REEP1: variants seen among roughly 807,000 people sequenced by gnomAD.
The protein encoded by REEP1 is receptor expression-enhancing protein 1.
A neutral mutation model predicts 40.3 loss-of-function variants in REEP1; 22 were observed. The observed-to-expected ratio is 0.55, with a 90% confidence interval of 0.39 to 0.78. The LOEUF (loss-of-function observed/expected upper bound fraction) is 0.78, where lower values mean the gene tolerates loss of function less well. REEP1 is among the 30% of genes least tolerant of loss of function. REEP1 has a pLI of 0.00. For synonymous variants in REEP1, 116 were observed against 139.2 expected (o/e 0.83, Z 1.17); for missense variants, 280 against 361.1 (o/e 0.78, Z 1.82).
intron 3 of REEP1, among the ~76,000 whole-genome samples, chr2:86,261,827 C>G (rs4832268): frequency 6.6e-6 from 1 of 152,048 alleles, no homozygotes; most frequent in South Asian, 2.1e-4. Context: ...TGGAATGTCT[C>G]GGTATAAAAC....
At chr2:86,286,663 G>A (rs72940152) in intron 1 of REEP1, among the ~76,000 whole-genome samples, 16,179 of 152,156 alleles carry the variant, frequency 0.11, 1,681 homozygotes, top group African/African-American at 0.27. Flanking sequence ...CAATGTCAGC[G>A]AAAACACAGC....
chr2:86,260,499 C>G (rs775610245), intron 3 of REEP1, among the ~76,000 whole-genome samples: 1 of 152,164 alleles, frequency 6.6e-6, no homozygotes, highest in Non-Finnish European at 1.5e-5. Context: ...ACTGATCAGA[C>G]GACTTTAAGA....
intron 1 of REEP1, among the ~76,000 whole-genome samples, chr2:86,310,975 G>C (rs1679736630): frequency 6.6e-6 from 1 of 152,132 alleles, no homozygotes; most frequent in South Asian, 2.1e-4. Context: ...GCTTTGAGGT[G>C]GCAGAACAAA....
chr2:86,262,872 T>C (rs1429237177), intron 3 of REEP1, among the ~76,000 whole-genome samples: 2 of 152,226 alleles, frequency 1.3e-5, no homozygotes, highest in Non-Finnish European at 2.9e-5. Context: ...CAGAAATCGA[T>C]ATATTATTTA....
chr2:86,313,307 T>C (rs1159791528), intron 1 of REEP1, among the ~76,000 whole-genome samples: 2 of 151,144 alleles, frequency 1.3e-5, no homozygotes, highest in Non-Finnish European at 3.0e-5. Context: ...TTTCTTTTTT[T>C]TTTTTTTGGT....
At chr2:86,286,476 G>A (rs1678406277) in intron 1 of REEP1, among the ~76,000 whole-genome samples, 2 of 152,112 alleles carry the variant, frequency 1.3e-5, no homozygotes, top group South Asian at 4.1e-4. Context: ...GCTGTTTCCT[G>A]GTCTTTGGGC....
chr2:86,307,963 T>A (rs1318600334), intron 1 of REEP1, among the ~76,000 whole-genome samples: 3 of 152,198 alleles, frequency 2.0e-5, no homozygotes, highest in African/African-American at 7.2e-5. Context: ...CCTTTCCATA[T>A]AAATATTTTC....
In REEP1 at chr2:86,337,540, C is replaced by A; in HGVS notation, c.-30G>T. On this transcript the variant is annotated 5_prime_UTR_variant, in exon 1 of 9. Transcript: ENST00000538924. This position sits in a 1 kb window ranked among gnomAD's most constrained non-coding sequence, Gnocchi z 5.8. ...GGCAGGCGGGCGGGCGAGGCCCGGG[C>A]GGCGCGGCTCGGCTAGGCTGCGGGC... The A allele has an allele frequency of 8.1e-7, 1 of 1,234,740 alleles. No individual in the cohort carries two copies. The highest frequency in any genetic ancestry group is 3.3e-5 in the South Asian group (1 of 30,398). The allele number at this position is 1,234,740 out of a possible 1,614,324, so 76.5% of individuals were successfully genotyped here. A position where few individuals can be genotyped will look rare whatever the true frequency, so the allele number is the denominator to read the frequency against.
intron 1 of REEP1, among the ~76,000 whole-genome samples, chr2:86,301,391 T>A (rs1353977206): frequency 1.3e-5 from 2 of 152,234 alleles, no homozygotes; most frequent in African/African-American, 4.8e-5. Flanking sequence ...CAGTCAGACA[T>A]AGATTCTCAT....
intron 1 of REEP1, among the ~76,000 whole-genome samples, chr2:86,310,819 G>C (rs1679728441): frequency 6.6e-6 from 1 of 152,032 alleles, no homozygotes; most frequent in African/African-American, 2.4e-5. Context: ...GCCTTCAAAG[G>C]ACTATGATAT....
At chr2:86,337,911 C>T (rs1558945457), upstream of REEP1, 2 of 1,078,928 alleles carry the variant, frequency 1.9e-6, no homozygotes, top group East Asian at 2.6e-5. The surrounding 1 kb of genome is among the most constrained non-coding windows in gnomAD (Gnocchi z 5.8). Context: ...CCTCAGCGTT[C>T]CAGCGGAGAA....
Position 86,263,951 on chromosome 2 carries a change from C to T in REEP1, c.182+14G>A. 6.2e-7 allele frequency: 1 copy of T among 1,602,822 alleles called. No individual in the cohort carries two copies. Among genetic ancestry groups the T allele is most frequent in the Non-Finnish European group, 8.5e-7 (1 of 1,169,694 alleles). ...AATTGTCCTTAGAAACATCCCAACTCCTGGAGTACTTACCAACAAAGGAAG... is the reference window on the plus strand; with the variant it reads ...AATTGTCCTTAGAAACATCCCAACTTCTGGAGTACTTACCAACAAAGGAAG... On this transcript the variant is annotated intron_variant, in intron 3 of 8. Coordinates refer to ENST00000538924, the MANE Select transcript of REEP1 (RefSeq NM_001371279.1).
At chr2:86,231,768 T>A (rs2104043512) in intron 6 of REEP1, among the ~76,000 whole-genome samples, 1 of 151,794 alleles carries the variant, frequency 6.6e-6, no homozygotes, top group Admixed American at 6.6e-5. Context: ...GCCCCTGGCA[T>A]CCTCCCAAGG....
At chr2:86,280,209 A>G (rs571326449) in intron 2 of REEP1, 3 of 359,282 alleles carry the variant, frequency 8.3e-6, no homozygotes, top group Admixed American at 3.8e-5. Context: ...CCCTCCTGAT[A>G]CTACTCGGCT....
intron 2 of REEP1, among the ~76,000 whole-genome samples, chr2:86,273,937 A>T (rs1255719721): frequency 6.6e-6 from 1 of 152,232 alleles, no homozygotes; most frequent in Non-Finnish European, 1.5e-5. Context: ...ACCCAAAACA[A>T]TTCCTGACAT....
intron 8 of REEP1, among the ~76,000 whole-genome samples, chr2:86,218,269 C>G (rs1674234998): frequency 6.6e-6 from 1 of 152,138 alleles, no homozygotes; most frequent in Non-Finnish European, 1.5e-5. Context: ...GACTTTGCAC[C>G]CAGTGGGAAG....
intron 2 of REEP1, among the ~76,000 whole-genome samples, chr2:86,274,886 G>C (rs1007731887): frequency 3.3e-5 from 5 of 152,090 alleles, no homozygotes; most frequent in Admixed American, 3.3e-4. Flanking sequence ...GGTAGGAAGC[G>C]GCCTGGAGAC....
intron 1 of REEP1, among the ~76,000 whole-genome samples, chr2:86,285,540 A>G (rs1678340734): frequency 1.3e-5 from 2 of 152,220 alleles, no homozygotes; most frequent in African/African-American, 4.8e-5. Context: ...CCCATTTTAC[A>G]GACTGGGACA....
intron 2 of REEP1, among the ~76,000 whole-genome samples, chr2:86,267,361 C>G (rs994823129): frequency 1.3e-5 from 2 of 152,120 alleles, no homozygotes; most frequent in Non-Finnish European, 2.9e-5. Context: ...GAAGAAGGTG[C>G]CTGCTTCCCC....
Sources: gnomAD v4.1 joint callset for allele counts (sites outside exome capture counted in the v4.1 genomes callset) on GRCh38, gnomAD v4.1.1 for gene constraint, Gnocchi (gnomAD v3.1) non-coding constraint, MANE v1.5 for transcripts, NCBI Gene and HGNC (gene_info 2026-07-23, HGNC 2026-07-21) for gene names.